Variants in CEP170 observed in about 807,000 individuals in gnomAD.
CEP170 encodes the protein centrosomal protein of 170 kDa.
CEP170 carries 21 observed loss-of-function variants against 151.9 expected under a neutral mutation model. The observed-to-expected ratio is 0.14, with a 90% CI of 0.10 to 0.20. The LOEUF is 0.20. CEP170 is among the 10% of genes least tolerant of loss of function. The pLI, the probability that CEP170 is intolerant of heterozygous loss-of-function variation, is 1.00. For missense variants in CEP170, 964 were observed against 1,892.9 expected (o/e 0.51, Z 9.11); for synonymous variants, 356 against 648.8 (o/e 0.55, Z 6.86).
At chr1:243,199,558 A>G (rs1264737339) in intron 6 of CEP170, among the ~76,000 whole-genome samples, 1 of 152,128 alleles carries the variant, frequency 6.6e-6, no homozygotes, top group Non-Finnish European at 1.5e-5. Context: ...GTTTGTTGAA[A>G]CTAGACAATA....
At chr1:243,167,193 G>A (rs2058504096) in intron 12 of CEP170, among the ~76,000 whole-genome samples, 2 of 151,882 alleles carry the variant, frequency 1.3e-5, no homozygotes, top group East Asian at 3.8e-4. Flanking sequence ...TTTTTAAAAA[G>A]TATTATCTAC....
At chr1:243,179,100 T>A (rs2059451721) in intron 10 of CEP170, among the ~76,000 whole-genome samples, 1 of 152,238 alleles carries the variant, frequency 6.6e-6, no homozygotes, top group African/African-American at 2.4e-5. Context: ...CTTGTGTCCT[T>A]GATTCTCCCC....
chr1:243,212,756 T>G (rs1027402223), intron 3 of CEP170, among the ~76,000 whole-genome samples: 1 of 152,144 alleles, frequency 6.6e-6, no homozygotes, highest in Non-Finnish European at 1.5e-5. Context: ...CTTGATTTCC[T>G]GGGCTCAGGT....
intron 3 of CEP170, among the ~76,000 whole-genome samples, chr1:243,213,460 A>G (rs1277919903): frequency 1.3e-5 from 2 of 152,292 alleles, no homozygotes; most frequent in African/African-American, 4.8e-5. Context: ...TTTCATAATT[A>G]TAAGATAAAT....
chr1:243,202,757 C>T (rs2061139544), intron 4 of CEP170, among the ~76,000 whole-genome samples: 2 of 152,012 alleles, frequency 1.3e-5, no homozygotes, highest in Non-Finnish European at 2.9e-5. Flanking sequence ...CCGCAAAAAA[C>T]TCATAAACAG....
intron 14 of CEP170, among the ~76,000 whole-genome samples, chr1:243,143,165 C>G (rs1334134778): frequency 6.6e-6 from 1 of 152,014 alleles, no homozygotes; most frequent in Non-Finnish European, 1.5e-5. Context: ...ACAAGCTTCA[C>G]AAAATGGGCA....
chr1:243,162,817 A>G (rs1246970992), intron 13 of CEP170, among the ~76,000 whole-genome samples: 1 of 152,260 alleles, frequency 6.6e-6, no homozygotes. Context: ...GAAATGCAGC[A>G]CAGATGAAAT....
Position 243,126,645 on chromosome 1 carries a change from T to C in CEP170, c.4559A>G (p.Lys1520Arg), listed in dbSNP as rs777103784. The C allele has an allele frequency of 4.5e-6, 7 of 1,562,824 alleles. No homozygotes were observed. The African/African-American group carries it at 9.5e-5, about 21-fold the overall frequency. The change falls in exon 20 of 20, where the codon AAG becomes AGG. Residue 1520 changes from lysine (K) to arginine (R), a missense_variant. Physicochemically the swap from Lys to Arg is conservative, Grantham distance 26. Coordinates refer to ENST00000366542, the MANE Select transcript of CEP170 (RefSeq NM_014812.3). ...GTGGTGGTTATTCACAGGGCTGGAC[T>C]TCTGTTTCGGTGGAGATGGCAACAT... is the stretch of plus-strand genomic sequence containing the variant. ...SAMLPSPPKQ[K>R]SSPVNNHHSP...
chr1:243,129,117 A>G (rs977727692), intron 18 of CEP170, among the ~76,000 whole-genome samples: 1 of 152,202 alleles, frequency 6.6e-6, no homozygotes, highest in Non-Finnish European at 1.5e-5. Context: ...CTAATGTTTA[A>G]TTATTACAAG....
rs2053694339 is a variant in CEP170 at position 243,126,351 on chromosome 1, C to T, written c.*98G>A. On this transcript the variant is annotated 3_prime_UTR_variant, in exon 20 of 20. Coordinates refer to ENST00000366542, the MANE Select transcript of CEP170 (RefSeq NM_014812.3). ...GAAGACAGGGATTCCAAGATTGTAG[C>T]TGACCAAGCTGTCTTGTTTTGCGTA... is the stretch of plus-strand genomic sequence containing the variant. 8.2e-7 allele frequency: 1 copy of T among 1,218,942 alleles called. No homozygotes were observed. The highest frequency in any genetic ancestry group is 1.2e-6 in the Non-Finnish European group (1 of 863,444). 75.5% of individuals were successfully genotyped at this position (1,218,942 alleles called of 1,614,324 possible). A position where few individuals can be genotyped will look rare whatever the true frequency, so the allele number is the denominator to read the frequency against.
rs869094317 is a variant in CEP170, at chr1:243,178,308, C to CAAAAAAAA, written c.1567-5470_1567-5463dup. Among the ~76,000 whole-genome samples, 130 of 30,424 alleles carry CAAAAAAAA rather than the reference C, an allele frequency of 4.3e-3. 12 individuals are homozygous for CAAAAAAAA. The highest frequency in any genetic ancestry group is 0.016 in the African/African-American group (100 of 6,120). The allele number at this position is 30,424 out of a possible 152,430, so 20.0% of individuals were successfully genotyped here. ...TGGGCAACAGAGCGAGACTCTGCCT[C>CAAAAAAAA]AAAAAAAAAAAAAAAAAAAAAAAAA... On this transcript the variant is annotated intron_variant, in intron 10 of 19. Transcript: ENST00000366542.
chr1:243,166,397 G>A (rs2058444004), intron 12 of CEP170: 1 of 366,506 alleles, frequency 2.7e-6, no homozygotes, highest in Non-Finnish European at 4.9e-6. Context: ...ATACTGTATT[G>A]CTTAGTGAAT....
At chr1:243,192,337 T>C (rs994358858) in intron 7 of CEP170, among the ~76,000 whole-genome samples, 3 of 152,180 alleles carry the variant, frequency 2.0e-5, no homozygotes, top group Admixed American at 1.3e-4. Flanking sequence ...ACACTATCAC[T>C]ATTCTTCTGT....
At chr1:243,127,773 C>T (rs574687121) in intron 19 of CEP170, among the ~76,000 whole-genome samples, 4 of 152,296 alleles carry the variant, frequency 2.6e-5, no homozygotes, top group South Asian at 2.1e-4. Context: ...CAGCCTCTTT[C>T]ACTTTCTTCT....
intron 10 of CEP170, among the ~76,000 whole-genome samples, chr1:243,182,952 A>G (rs1000291787): frequency 1.3e-4 from 19 of 151,878 alleles, no homozygotes; most frequent in Non-Finnish European, 2.1e-4. Flanking sequence ...AAAATGAAAC[A>G]AGTTGATGAC....
intron 10 of CEP170, among the ~76,000 whole-genome samples, chr1:243,179,614 T>C (rs1312855385): frequency 6.6e-6 from 1 of 152,130 alleles, no homozygotes; most frequent in Non-Finnish European, 1.5e-5. Flanking sequence ...TGTGGGGGCA[T>C]GGTTGGATTT....
chr1:243,224,772 A>G (rs1054488158), intron 2 of CEP170, among the ~76,000 whole-genome samples: 7 of 152,212 alleles, frequency 4.6e-5, no homozygotes, highest in African/African-American at 1.2e-4. Context: ...ATTGTCAACA[A>G]TCTTCACTTA....
At chr1:243,238,688 A>G (rs1340985144) in intron 1 of CEP170, among the ~76,000 whole-genome samples, 1 of 152,182 alleles carries the variant, frequency 6.6e-6, no homozygotes, top group Admixed American at 6.5e-5. Flanking sequence ...TGTATTAAAG[A>G]AAAAATCAAA....
At chr1:243,159,057 C>A (rs1418343339) in intron 13 of CEP170, among the ~76,000 whole-genome samples, 2 of 152,054 alleles carry the variant, frequency 1.3e-5, no homozygotes, top group East Asian at 3.9e-4. Flanking sequence ...CAGAGCCAGA[C>A]TCCATCTCAA....
Sources: gnomAD v4.1 joint callset for allele counts (sites outside exome capture counted in the v4.1 genomes callset) on GRCh38, gnomAD v4.1.1 for gene constraint, MANE v1.5 for transcripts, NCBI Gene and HGNC (gene_info 2026-07-23, HGNC 2026-07-21) for gene names.